The following RORB variants were observed in gnomAD, a reference collection of about 807,000 sequenced individuals.
RORB encodes RAR related orphan receptor B, also known as nuclear receptor ROR-beta.
RORB carries 6 observed loss-of-function variants against 59.1 expected under a neutral mutation model. The observed-to-expected ratio is 0.10, with a 90% CI of 0.06 to 0.20. The LOEUF (loss-of-function observed/expected upper bound fraction) is 0.20, where lower values mean the gene tolerates loss of function less well. RORB is among the 10% of genes least tolerant of loss of function. RORB has a pLI of 1.00. For missense variants in RORB, 320 were observed against 560.5 expected, an observed-to-expected ratio of 0.57 and a Z score of 4.33; for synonymous variants, 215 against 204.5, an observed-to-expected ratio of 1.05 and a Z score of -0.44.
intron 1 of RORB, among the ~76,000 whole-genome samples, chr9:74,533,869 T>C (rs76934745): frequency 6.6e-6 from 1 of 152,126 alleles, no homozygotes; most frequent in Non-Finnish European, 1.5e-5. Flanking sequence ...ATGACATTCT[T>C]GAAAAAAACT....
At chr9:74,551,390 A>G (rs1382625515) in intron 1 of RORB, among the ~76,000 whole-genome samples, 4 of 152,240 alleles carry the variant, frequency 2.6e-5, no homozygotes, top group Non-Finnish European at 5.9e-5. Context: ...TGATATCACA[A>G]TAGTTGATAT....
rs1824629124 is a variant in RORB, at chr9:74,685,689, G to T, written c.*71G>T. ...AAGACAAAAGCAATGTGTTCATGAA[G>T]ACTTAAGAAAAATGTCACTACTGCA... On this transcript the variant is annotated 3_prime_UTR_variant, in exon 10 of 10. Transcript: ENST00000376896. 3.2e-6 allele frequency: 4 copies of T among 1,261,492 alleles called. No individual in the cohort carries two copies. Among genetic ancestry groups the T allele is most frequent in the Non-Finnish European group, 4.3e-6 (4 of 939,210 alleles). The allele number at this position is 1,261,492 out of a possible 1,614,324, so 78.1% of individuals were successfully genotyped here.
chr9:74,596,402 G>A (rs1310081588), intron 1 of RORB, among the ~76,000 whole-genome samples: 2 of 152,154 alleles, frequency 1.3e-5, no homozygotes, highest in African/African-American at 2.4e-5. Context: ...GGGACCAGAG[G>A]ATGAGAACAC....
intron 4 of RORB, among the ~76,000 whole-genome samples, chr9:74,647,797 C>G (rs545954207): frequency 6.6e-6 from 1 of 152,262 alleles, no homozygotes; most frequent in African/African-American, 2.4e-5. Flanking sequence ...CATAAAAATA[C>G]AGAAGATTTT....
intron 4 of RORB, among the ~76,000 whole-genome samples, chr9:74,656,922 G>A (rs1824092446): frequency 6.6e-6 from 1 of 152,104 alleles, no homozygotes; most frequent in South Asian, 2.1e-4. Flanking sequence ...GTCCACCCTA[G>A]TCTTATTTCT....
chr9:74,576,702 G>A (rs1401672036), intron 1 of RORB, among the ~76,000 whole-genome samples: 1 of 152,048 alleles, frequency 6.6e-6, no homozygotes, highest in Admixed American at 6.6e-5. Context: ...CAATTGGTGG[G>A]CTTAGAAAAT....
At position 74,626,831 on chromosome 9, in the gene RORB, C is replaced by A. The variant is rs568097347; in HGVS notation, c.8-3451C>A. 1.4e-4 allele frequency among the ~76,000 whole-genome samples: 22 copies of A among 152,318 alleles called. No individual in the cohort carries two copies. The South Asian group carries it at 4.4e-3, about 30-fold the overall frequency. On this transcript the variant is annotated intron_variant, in intron 1 of 9. Coordinates refer to ENST00000376896, the MANE Select transcript of RORB (RefSeq NM_006914.4). ...AAATAATGGGATTTGTTGTTCTAAT[C>A]AGTTTGTGAAATGCTGTCTGGAAGA... is the stretch of plus-strand genomic sequence containing the variant.
chr9:74,628,387 G>C (rs1823557125), intron 1 of RORB, among the ~76,000 whole-genome samples: 1 of 152,136 alleles, frequency 6.6e-6, no homozygotes, highest in Non-Finnish European at 1.5e-5. Flanking sequence ...CTGTGTGGAA[G>C]TCAGAGAATG....
chr9:74,675,026 G>T (rs956413029), intron 9 of RORB, among the ~76,000 whole-genome samples: 2 of 151,178 alleles, frequency 1.3e-5, no homozygotes, highest in Non-Finnish European at 2.9e-5. Context: ...TGTAGCTGTT[G>T]TTGTTGACAG....
intron 1 of RORB, among the ~76,000 whole-genome samples, chr9:74,540,124 C>A (rs571547971): frequency 2.6e-5 from 4 of 152,188 alleles, no homozygotes; most frequent in African/African-American, 9.6e-5. Context: ...GCACTGAAAA[C>A]GAGTTAAAAA....
chr9:74,616,707 C>CAGGG (rs1823318019), intron 1 of RORB, among the ~76,000 whole-genome samples: 2 of 152,164 alleles, frequency 1.3e-5, no homozygotes, highest in South Asian at 4.2e-4. Flanking sequence ...TCACAATAAG[C>CAGGG]AGGGGCTCAC....
chr9:74,591,356 C>T (rs908448048), intron 1 of RORB, among the ~76,000 whole-genome samples: 2 of 152,170 alleles, frequency 1.3e-5, no homozygotes, highest in African/African-American at 2.4e-5. Context: ...AGTGTCTATT[C>T]AGCAGGCAAA....
intron 1 of RORB, among the ~76,000 whole-genome samples, chr9:74,565,591 T>A (rs1177173774): frequency 6.6e-6 from 1 of 152,186 alleles, no homozygotes; most frequent in Admixed American, 6.5e-5. Context: ...GTTAAATTTA[T>A]CAATTGTGAA....
At chr9:74,498,401 A>C in intron 1 of RORB, 1 of 177,738 alleles carries the variant, frequency 5.6e-6, no homozygotes, top group Non-Finnish European at 1.2e-5. Flanking sequence ...CGCGGGGCGC[A>C]CCGGCCGGGG....
At chr9:74,608,588 G>A (rs1823186552) in intron 1 of RORB, among the ~76,000 whole-genome samples, 1 of 148,680 alleles carries the variant, frequency 6.7e-6, no homozygotes, top group African/African-American at 2.5e-5. Context: ...AAAATTGCTA[G>A]TTCCTTTGTT....
chr9:74,535,139 C>A (rs1363165902), intron 1 of RORB, among the ~76,000 whole-genome samples: 1 of 129,822 alleles, frequency 7.7e-6, no homozygotes, highest in Non-Finnish European at 1.6e-5. Context: ...TTTCCCAGAG[C>A]ACCATAGGGG....
At chr9:74,674,767 A>AT (rs922312244) in intron 9 of RORB, among the ~76,000 whole-genome samples, 11 of 152,236 alleles carry the variant, frequency 7.2e-5, no homozygotes, top group African/African-American at 2.4e-4. Context: ...GGAAAAAAAA[A>AT]CCCTATTAAA....
In RORB at chr9:74,642,470, C is replaced by A; in HGVS notation, c.292C>A (p.Gln98Lys). The change falls in exon 4 of 10, where the codon CAG becomes AAG. Residue 98 changes from glutamine (Q) to lysine (K), a missense_variant. Physicochemically the swap from Gln to Lys is moderately conservative, Grantham distance 53. Around this residue, in one of 4 missense-constraint regions of RORB, gnomAD observed 134 missense variants for 156.2 expected, o/e 0.86. Transcript: ENST00000376896. ...KQRDSLYAEV[Q>K]KHQQRLQEQR... ...AAGGGACAGCCTGTATGCTGAGGTG[C>A]AGAAGCACCAGCAGCGGCTGCAGGA... 6.2e-7 allele frequency: 1 copy of A among 1,614,122 alleles called. No individual in the cohort carries two copies. The highest frequency in any genetic ancestry group is 8.5e-7 in the Non-Finnish European group (1 of 1,179,966).
chr9:74,642,593 G>A lies in RORB; in HGVS notation c.415G>A (p.Gly139Ser), dbSNP rs763065753. 42 of 1,614,152 alleles carry A rather than the reference G, an allele frequency of 2.6e-5. No homozygotes were observed. Among genetic ancestry groups the A allele is most frequent in the African/African-American group, 5.3e-5 (4 of 75,034 alleles). The change falls in exon 4 of 10, where the codon GGC becomes AGC. Residue 139 changes from glycine to serine, a missense_variant. This residue lies in a region of RORB where 134 missense variants were observed against 156.2 expected (regional missense o/e 0.86). Transcript: ENST00000376896. ...GLSNLNNETSGTYANGHVIDL... is the reference protein window; with the variant it reads ...GLSNLNNETSSTYANGHVIDL... ...GAGCAACCTGAACAACGAGACCAGC[G>A]GCACTTATGCCAACGGGCACGTCAT...
Sources: allele counts gnomAD v4.1 joint callset (sites outside exome capture counted in the v4.1 genomes callset), GRCh38; gene constraint gnomAD v4.1.1; regional missense constraint gnomAD v4.1.1; transcripts MANE v1.5; gene names NCBI Gene and HGNC (gene_info 2026-07-23, HGNC 2026-07-21).